Variants in PTPRK observed in about 807,000 individuals in gnomAD.
PTPRK encodes the protein receptor-type tyrosine-protein phosphatase kappa.
Under a neutral mutation model 178.0 loss-of-function variants are expected in PTPRK, and 75 were observed. The observed-to-expected ratio is 0.42, with a 90% CI of 0.35 to 0.51. The LOEUF (loss-of-function observed/expected upper bound fraction) is 0.51. PTPRK is among the 20% of genes least tolerant of loss of function. The pLI, the probability that PTPRK is intolerant of heterozygous loss-of-function variation, is 0.02. For missense variants in PTPRK, 1,441 were observed against 1,797.8 expected, an observed-to-expected ratio of 0.80 and a Z score of 3.59; for synonymous variants, 637 against 620.6, an observed-to-expected ratio of 1.03 and a Z score of -0.39.
chr6:128,214,385 G>C (rs1231545353), intron 6 of PTPRK, among the ~76,000 whole-genome samples: 2 of 151,954 alleles, frequency 1.3e-5, no homozygotes, highest in African/African-American at 4.8e-5. Flanking sequence ...ATGTCCTTCA[G>C]GATTAAGTTG....
At chr6:128,083,575 G>T (rs536745027) in intron 9 of PTPRK, 140 bp downstream of exon 9, 2 of 431,192 alleles carry the variant, frequency 4.6e-6, no homozygotes, top group South Asian at 2.0e-4. Context: ...CAAAGAATCT[G>T]TAAATTAAAA....
chr6:128,042,990 CTT>C (rs1777450790), intron 13 of PTPRK, among the ~76,000 whole-genome samples: 1 of 151,954 alleles, frequency 6.6e-6, no homozygotes, highest in Admixed American at 6.6e-5. Context: ...TCATTAGTCA[CTT>C]AATGCGACAT....
intron 7 of PTPRK, among the ~76,000 whole-genome samples, chr6:128,092,803 T>C (rs1349561594): frequency 6.6e-6 from 1 of 152,190 alleles, no homozygotes; most frequent in Non-Finnish European, 1.5e-5. Context: ...AATCCATTAT[T>C]TCTCATACCT....
At chr6:128,323,479 C>T (rs545603614) in intron 2 of PTPRK, among the ~76,000 whole-genome samples, 1 of 152,062 alleles carries the variant, frequency 6.6e-6, no homozygotes, top group Non-Finnish European at 1.5e-5. Flanking sequence ...GCACTTGACC[C>T]TTTCTTCCTG....
At chr6:128,040,060 A>G (rs1204293426) in intron 13 of PTPRK, among the ~76,000 whole-genome samples, 1 of 152,186 alleles carries the variant, frequency 6.6e-6, no homozygotes, top group African/African-American at 2.4e-5. Context: ...CTGTGCTGGG[A>G]AAGCCAAGAG....
chr6:128,334,552 A>T (rs1259966183), intron 2 of PTPRK, among the ~76,000 whole-genome samples: 1 of 152,218 alleles, frequency 6.6e-6, no homozygotes, highest in Non-Finnish European at 1.5e-5. Flanking sequence ...CTGAATAAGT[A>T]AATGGCAAGT....
chr6:128,296,541 C>A (rs887681683), intron 3 of PTPRK, among the ~76,000 whole-genome samples: 2 of 152,168 alleles, frequency 1.3e-5, no homozygotes, highest in Admixed American at 6.5e-5. Context: ...AGAAACTCTA[C>A]AAGCCAGAAG....
At position 128,520,375 on chromosome 6, in the gene PTPRK, G is replaced by A; in HGVS notation, c.-17C>T. On this transcript the variant is annotated 5_prime_UTR_variant, in exon 1 of 30. Transcript: ENST00000368226. ...CGTATCCATGCCGAGTTTGGGAGAAGTTTCAAGCAGCTTTGCAAAGAGCTG... is the reference window on the plus strand; with the variant it reads ...CGTATCCATGCCGAGTTTGGGAGAAATTTCAAGCAGCTTTGCAAAGAGCTG... The A allele has an allele frequency of 6.3e-7, 1 of 1,592,524 alleles. No homozygotes were observed. The highest frequency in any genetic ancestry group is 1.1e-5 in the South Asian group (1 of 87,934).
chr6:128,467,392 T>C (rs1214902696), intron 1 of PTPRK, among the ~76,000 whole-genome samples: 2 of 152,146 alleles, frequency 1.3e-5, no homozygotes, highest in Non-Finnish European at 2.9e-5. Context: ...ACCCTGCACA[T>C]AGATGAGAAT....
chr6:128,482,240 T>C (rs980021206), intron 1 of PTPRK, among the ~76,000 whole-genome samples: 1 of 152,172 alleles, frequency 6.6e-6, no homozygotes, highest in African/African-American at 2.4e-5. Context: ...GGCAGGGCTA[T>C]AATATCCACC....
chr6:128,313,869 A>G (rs901278185), intron 3 of PTPRK, among the ~76,000 whole-genome samples: 1 of 152,228 alleles, frequency 6.6e-6, no homozygotes, highest in Non-Finnish European at 1.5e-5. Flanking sequence ...GGAAGCACGT[A>G]CAAGATGAGA....
intron 3 of PTPRK, among the ~76,000 whole-genome samples, chr6:128,269,381 A>G (rs575357893): frequency 6.6e-6 from 1 of 152,176 alleles, no homozygotes; most frequent in African/African-American, 2.4e-5. Flanking sequence ...AAAGGTAGTA[A>G]CAAGAGGACA....
chr6:128,130,658 T>C (rs1794086290), intron 7 of PTPRK, among the ~76,000 whole-genome samples: 1 of 152,190 alleles, frequency 6.6e-6, no homozygotes, highest in Admixed American at 6.5e-5. Flanking sequence ...CTTGAAAATG[T>C]TTTATTGTAA....
intron 7 of PTPRK, among the ~76,000 whole-genome samples, chr6:128,098,368 A>G (rs933433418): frequency 2.0e-5 from 3 of 152,110 alleles, no homozygotes; most frequent in Non-Finnish European, 4.4e-5. Context: ...AATAAGGCAA[A>G]AGTGTGGGTG....
In PTPRK at chr6:128,403,515, A is replaced by C. The variant is rs187930831; in HGVS notation, c.101-5827T>G. ...TCCCCAGTACGATCAAAATAATAACAGTTATAGCACAGTGGTGTTAGGATT... is the reference window on the plus strand; with the variant it reads ...TCCCCAGTACGATCAAAATAATAACCGTTATAGCACAGTGGTGTTAGGATT... On this transcript the variant is annotated intron_variant, in intron 1 of 29. Transcript: ENST00000368226. 1.5e-4 allele frequency among the ~76,000 whole-genome samples: 23 copies of C among 152,230 alleles called. No individual in the cohort carries two copies. In the East Asian group the frequency reaches 4.4e-3, roughly 29 times the overall value.
intron 5 of PTPRK, chr6:128,238,185 C>CAAAAAAAAAAAAAAAAAAAGAAA: frequency 4.9e-6 from 1 of 203,784 alleles, no homozygotes; most frequent in South Asian, 2.9e-5. Context: ...TAGCAAACGC[C>CAAAAAAAAAAAAAAAAAAAGAAA]AAAAAAAAAA....
In PTPRK at chr6:128,347,640, G is replaced by A. The variant is rs539815193; in HGVS notation, c.224-25330C>T. ...GGAAGGGGACAGTAGATAAATACAC[G>A]GTAAAGCAATCTCATCTGTCAGATC... On this transcript the variant is annotated intron_variant, in intron 2 of 29. Coordinates refer to ENST00000368226, the MANE Select transcript of PTPRK (RefSeq NM_002844.4). 9.2e-5 allele frequency among the ~76,000 whole-genome samples: 14 copies of A among 152,042 alleles called. 1 individual carries two copies. In the South Asian group the frequency reaches 1.9e-3, roughly 20 times the overall value.
At chr6:128,183,864 G>A (rs1225117273) in intron 7 of PTPRK, among the ~76,000 whole-genome samples, 2 of 152,058 alleles carry the variant, frequency 1.3e-5, no homozygotes, top group East Asian at 3.9e-4. Context: ...CATGAGGAAG[G>A]CAACAGAAAG....
At chr6:128,493,391 T>C (rs924800648) in intron 1 of PTPRK, among the ~76,000 whole-genome samples, 3 of 151,716 alleles carry the variant, frequency 2.0e-5, no homozygotes, top group Non-Finnish European at 4.4e-5. Flanking sequence ...TGAAACCCTG[T>C]CTCTACTAAA....
Sources: gnomAD v4.1 joint callset for allele counts (sites outside exome capture counted in the v4.1 genomes callset) on GRCh38, gnomAD v4.1.1 for gene constraint, MANE v1.5 for transcripts, NCBI Gene and HGNC (gene_info 2026-07-23, HGNC 2026-07-21) for gene names.